The following ITCH variants were observed in gnomAD, a reference collection of about 807,000 sequenced individuals.
ITCH encodes E3 ubiquitin-protein ligase Itchy homolog.
Under a neutral mutation model 126.8 loss-of-function variants are expected in ITCH, and 28 were observed. The observed-to-expected ratio is 0.22, with a 90% CI of 0.16 to 0.30. The LOEUF is 0.30. Among genes scored for constraint, ITCH ranks in the 10% least tolerant of loss-of-function variants. The probability of loss-of-function intolerance (pLI) is 1.00; values close to 1 mark genes in which losing one functional copy is unlikely to be tolerated. For synonymous variants in ITCH, 342 were observed against 340.0 expected (o/e 1.01, Z -0.06); for missense variants, 631 against 1,032.4 (o/e 0.61, Z 5.33).
chr20:34,477,165 C>T (rs1293035135), intron 16 of ITCH, among the ~76,000 whole-genome samples: 1 of 152,168 alleles, frequency 6.6e-6, no homozygotes, highest in Non-Finnish European at 1.5e-5. Context: ...CCCACCCAAC[C>T]TCTGACCATG....
chr20:34,456,553 A>C (rs947916035), intron 12 of ITCH, among the ~76,000 whole-genome samples: 4 of 146,692 alleles, frequency 2.7e-5, no homozygotes, highest in African/African-American at 5.0e-5. Flanking sequence ...GGATCACCTG[A>C]ACCTGGGAGG....
Position 34,383,227 on chromosome 20 carries a change from A to G in ITCH, c.-21-10564A>G, listed in dbSNP as rs141133431. Among the ~76,000 whole-genome samples the G allele has an allele frequency of 8.4e-4, 128 of 151,754 alleles. 1 individual carries two copies. In the East Asian group the frequency reaches 0.024, roughly 29 times the overall value. ...TGGGTAGTTTATTTTTATTTTTTGT[A>G]GAGATAGTGTCTTGCTATGTTGCCC... On this transcript the variant is annotated intron_variant, in intron 2 of 24. Coordinates refer to ENST00000374864, the MANE Select transcript of ITCH (RefSeq NM_031483.7).
intron 23 of ITCH, among the ~76,000 whole-genome samples, chr20:34,494,157 G>A (rs753528750): frequency 4.6e-5 from 7 of 152,246 alleles, no homozygotes; most frequent in African/African-American, 7.2e-5. Flanking sequence ...TTGAACCCGG[G>A]AGGCAGAGGT....
intron 7 of ITCH, among the ~76,000 whole-genome samples, chr20:34,429,015 G>A (rs1483311024): frequency 1.3e-5 from 2 of 152,060 alleles, no homozygotes; most frequent in African/African-American, 4.8e-5. Flanking sequence ...TCAGCTCACT[G>A]CAACCTCCAC....
intron 2 of ITCH, 155 bp from the exon 3 acceptor site, chr20:34,393,636 T>G (rs2038563932): frequency 1.5e-6 from 1 of 667,130 alleles, no homozygotes; most frequent in Non-Finnish European, 2.7e-6. Context: ...TGCCAATAAG[T>G]TAGGTAGGAT....
intron 6 of ITCH, among the ~76,000 whole-genome samples, chr20:34,416,197 G>A (rs1197338231): frequency 1.3e-5 from 2 of 152,128 alleles, no homozygotes; most frequent in African/African-American, 4.8e-5. Context: ...TTGGGAGTTT[G>A]AGACCAGCCT....
chr20:34,470,940 T>G (rs1215347368), intron 15 of ITCH, among the ~76,000 whole-genome samples: 1 of 152,258 alleles, frequency 6.6e-6, no homozygotes, highest in Non-Finnish European at 1.5e-5. Flanking sequence ...GATAAATACA[T>G]GTTCATACAT....
intron 7 of ITCH, among the ~76,000 whole-genome samples, chr20:34,427,912 A>C (rs762748312): frequency 5.3e-5 from 8 of 152,172 alleles, no homozygotes; most frequent in Non-Finnish European, 7.3e-5. Context: ...ATTTTCATCA[A>C]ACCACTTGTA....
intron 1 of ITCH, among the ~76,000 whole-genome samples, chr20:34,365,728 C>G (rs1390223919): frequency 6.6e-6 from 1 of 152,152 alleles, no homozygotes; most frequent in Non-Finnish European, 1.5e-5. Context: ...AAAAATACAT[C>G]TTTTCACTTA....
intron 6 of ITCH, among the ~76,000 whole-genome samples, chr20:34,416,620 C>T (rs1344809663): frequency 1.3e-5 from 2 of 152,150 alleles, no homozygotes; most frequent in Non-Finnish European, 2.9e-5. Flanking sequence ...CTTACAGACA[C>T]ATTTTTGGTT....
chr20:34,428,669 C>T (rs1981876246), intron 7 of ITCH, among the ~76,000 whole-genome samples: 2 of 152,162 alleles, frequency 1.3e-5, no homozygotes, highest in African/African-American at 2.4e-5. Flanking sequence ...TGCCCTATCT[C>T]GGCCTCCCGA....
rs1223017241 is a variant in ITCH, at chr20:34,440,057, A to AAACT, written c.680-98_680-97insAACT. 47 of 853,082 alleles carry AAACT rather than the reference A, an allele frequency of 5.5e-5. No individual in the cohort carries two copies. The East Asian group carries it at 1.2e-3, about 21-fold the overall frequency. 52.8% of individuals were successfully genotyped at this position (853,082 alleles called of 1,614,324 possible). On this transcript the variant is annotated intron_variant, in intron 8 of 24. Coordinates refer to ENST00000374864, the MANE Select transcript of ITCH (RefSeq NM_031483.7). ...CCTGTGCATCTACATCTTAAGTTTT[A>AAACT]TATTTATCATCTGCCTTTTATTTTT...
intron 11 of ITCH, among the ~76,000 whole-genome samples, chr20:34,448,183 G>A (rs1233049057): frequency 6.6e-6 from 1 of 152,168 alleles, no homozygotes. Context: ...AACAAGGTCA[G>A]GAGTTTGAGG....
At chr20:34,375,695 A>ATTT (rs2037812327) in intron 2 of ITCH, among the ~76,000 whole-genome samples, 4 of 135,080 alleles carry the variant, frequency 3.0e-5, no homozygotes, top group Admixed American at 7.5e-5. Flanking sequence ...TGGTAGTTAA[A>ATTT]ATTTTTTTTT....
chr20:34,444,593 A>G (rs1356953629), intron 10 of ITCH, among the ~76,000 whole-genome samples: 1 of 152,144 alleles, frequency 6.6e-6, no homozygotes, highest in Non-Finnish European at 1.5e-5. Context: ...GTCTCCAAAA[A>G]AAAAAGATAG....
intron 16 of ITCH, chr20:34,475,920 T>G: frequency 8.2e-7 from 1 of 1,217,450 alleles, no homozygotes; most frequent in Non-Finnish European, 1.2e-6. Context: ...CTATTTGTTC[T>G]AGTTCAGGAG....
At chr20:34,491,476 T>C (rs1191395178) in intron 22 of ITCH, among the ~76,000 whole-genome samples, 1 of 152,216 alleles carries the variant, frequency 6.6e-6, no homozygotes, top group African/African-American at 2.4e-5. Flanking sequence ...ATAGTGGCGA[T>C]GGTTGCACAA....
chr20:34,370,011 G>A (rs1465589552), intron 2 of ITCH, among the ~76,000 whole-genome samples: 1 of 151,694 alleles, frequency 6.6e-6, no homozygotes, highest in Non-Finnish European at 1.5e-5. Context: ...AGGGTGACAT[G>A]GGAGGATCAC....
chr20:34,462,925 G>A (rs1254189013), intron 14 of ITCH, among the ~76,000 whole-genome samples: 1 of 152,186 alleles, frequency 6.6e-6, no homozygotes, highest in East Asian at 1.9e-4. Context: ...GTTGTAATAT[G>A]TATCAACATT....
Sources: allele counts gnomAD v4.1 joint callset (sites outside exome capture counted in the v4.1 genomes callset), GRCh38; gene constraint gnomAD v4.1.1; transcripts MANE v1.5; gene names NCBI Gene and HGNC (gene_info 2026-07-23, HGNC 2026-07-21).